Variants in IL4R observed in about 807,000 individuals in gnomAD.
The protein encoded by IL4R is interleukin 4 receptor.
In IL4R, 17 loss-of-function variants were observed where a neutral mutation model predicts 41.5. The observed-to-expected ratio is 0.41, with a 90% confidence interval of 0.28 to 0.61. The LOEUF is 0.61. IL4R is among the 20% of genes least tolerant of loss of function. IL4R has a pLI of 0.31. For synonymous variants in IL4R, 402 were observed against 422.9 expected, an observed-to-expected ratio of 0.95 and a Z score of 0.61; for missense variants, 974 against 1,043.1, an observed-to-expected ratio of 0.93 and a Z score of 0.91.
chr16:27,350,573 G>A (rs2085828449), intron 6 of IL4R, among the ~76,000 whole-genome samples: 1 of 152,150 alleles, frequency 6.6e-6, no homozygotes, highest in Non-Finnish European at 1.5e-5. Context: ...GGCTGAGGAA[G>A]AGGAGAGGGA....
intron 9 of IL4R, chr16:27,359,691 A>C (rs998060899): frequency 2.4e-6 from 1 of 415,488 alleles, no homozygotes; most frequent in Non-Finnish European, 5.1e-6. Flanking sequence ...TCTGAGCCTC[A>C]GTTTCCTCTT....
Position 27,360,900 on chromosome 16 carries a change from C to T in IL4R, c.899+85C>T. 35 of 1,611,304 alleles carry T rather than the reference C, an allele frequency of 2.2e-5. 1 individual carries two copies. The highest frequency in any genetic ancestry group is 3.0e-5 in the Non-Finnish European group (35 of 1,177,892). On this transcript the variant is annotated intron_variant, in intron 10 of 10. Coordinates refer to ENST00000395762, the MANE Select transcript of IL4R (RefSeq NM_000418.4). ...GGCAAGCCCCTAGCTCCATGTCTGC[C>T]TTCTCTTCCCTGCATTCGGTAATTG... is the stretch of plus-strand genomic sequence containing the variant.
chr16:27,332,185 C>G (rs2085128714), intron 2 of IL4R, among the ~76,000 whole-genome samples: 1 of 151,972 alleles, frequency 6.6e-6, no homozygotes, highest in Admixed American at 6.6e-5. Context: ...TCATGCTGCT[C>G]TAAGGACATG....
chr16:27,359,797 G>C (rs761019644), intron 9 of IL4R: 2 of 456,850 alleles, frequency 4.4e-6, no homozygotes, highest in African/African-American at 2.0e-5. Context: ...CAAATACCAA[G>C]TGCCATTTAT....
intron 3 of IL4R, 114 bp downstream of exon 3, chr16:27,340,387 T>C: frequency 1.3e-6 from 1 of 754,226 alleles, no homozygotes; most frequent in Non-Finnish European, 2.3e-6. Context: ...GGACAGCCAA[T>C]GACAAGTGGC....
At chr16:27,332,617 G>T (rs2085142889) in intron 2 of IL4R, among the ~76,000 whole-genome samples, 1 of 151,864 alleles carries the variant, frequency 6.6e-6, no homozygotes, top group South Asian at 2.1e-4. Context: ...TCTTTTCGAA[G>T]AACCAATTTT....
chr16:27,337,561 C>CT (rs111751071), intron 2 of IL4R, among the ~76,000 whole-genome samples: 2,481 of 151,030 alleles, frequency 0.016, 70 homozygotes, highest in African/African-American at 0.056. Flanking sequence ...GTGCTGTTTT[C>CT]TTTTTTTCTT....
chr16:27,345,407 G>A lies in IL4R; in HGVS notation c.361+387G>A, dbSNP rs1482268333. ...GCTTTGGATGGTCTTGACCGTGGAAGGCTGACCTTCTTCTGGTACCCGGAG... is the reference window on the plus strand; with the variant it reads ...GCTTTGGATGGTCTTGACCGTGGAAAGCTGACCTTCTTCTGGTACCCGGAG... On this transcript the variant is annotated intron_variant, in intron 5 of 10. Coordinates refer to ENST00000395762, the MANE Select transcript of IL4R (RefSeq NM_000418.4). This position sits in a 1 kb window ranked among gnomAD's most constrained non-coding sequence, Gnocchi z 4.5. 1 of 358,286 alleles carries A rather than the reference G, an allele frequency of 2.8e-6. No individual in the cohort carries two copies. The highest frequency in any genetic ancestry group is 5.5e-6 in the Non-Finnish European group (1 of 180,752). The allele number at this position is 358,286 out of a possible 1,614,324, so 22.2% of individuals were successfully genotyped here.
Position 27,356,929 on chromosome 16 carries a change from G to A in IL4R, c.770+1022G>A, listed in dbSNP as rs576682715. Among the ~76,000 whole-genome samples the A allele has an allele frequency of 4.6e-5, 7 of 152,274 alleles. No homozygotes were observed. The East Asian group carries it at 1.3e-3, about 29-fold the overall frequency. ...GGCGAGTGGCTGGGAGGTGGTGGAAGGAGCCTCGTTTCCAGAGAGCTCTTG... is the reference window on the plus strand; with the variant it reads ...GGCGAGTGGCTGGGAGGTGGTGGAAAGAGCCTCGTTTCCAGAGAGCTCTTG... On this transcript the variant is annotated intron_variant, in intron 8 of 10. Coordinates refer to ENST00000395762, the MANE Select transcript of IL4R (RefSeq NM_000418.4).
At chr16:27,320,841 G>A (rs1028695989) in intron 1 of IL4R, among the ~76,000 whole-genome samples, 6 of 152,164 alleles carry the variant, frequency 3.9e-5, no homozygotes, top group Non-Finnish European at 2.9e-5. Context: ...GCCTCCCGAC[G>A]GTCTTGCCTC....
chr16:27,347,854 A>G (rs1378212279), intron 6 of IL4R, among the ~76,000 whole-genome samples: 1 of 152,224 alleles, frequency 6.6e-6, no homozygotes, highest in African/African-American at 2.4e-5. Context: ...ACCCGCCCAC[A>G]GGGCTATGAC....
intron 7 of IL4R, among the ~76,000 whole-genome samples, chr16:27,354,522 T>G (rs2085990442): frequency 6.6e-6 from 1 of 152,210 alleles, no homozygotes; most frequent in Non-Finnish European, 1.5e-5. Flanking sequence ...TGGTTACTGT[T>G]ATTACTTGCT....
At chr16:27,322,465 C>T (rs1274033330) in intron 1 of IL4R, among the ~76,000 whole-genome samples, 1 of 152,160 alleles carries the variant, frequency 6.6e-6, no homozygotes, top group Non-Finnish European at 1.5e-5. Flanking sequence ...GCATGAGCCA[C>T]CGCAGCTGGC....
intron 1 of IL4R, among the ~76,000 whole-genome samples, chr16:27,320,432 A>T (rs983219267): frequency 6.6e-6 from 1 of 152,162 alleles, no homozygotes; most frequent in Non-Finnish European, 1.5e-5. Context: ...AGTCCACATC[A>T]CGCTCTGTGC....
At chr16:27,322,474 G>A (rs867619902) in intron 1 of IL4R, among the ~76,000 whole-genome samples, 5 of 152,118 alleles carry the variant, frequency 3.3e-5, no homozygotes, top group Non-Finnish European at 7.4e-5. Flanking sequence ...ACCGCAGCTG[G>A]CTGAATTGTT....
In IL4R at chr16:27,342,187, G is replaced by C; in HGVS notation, c.137G>C (p.Trp46Ser). Residue 46 changes from tryptophan (W) to serine (S), a missense_variant, in exon 4 of 11, where the codon TGG becomes TCG. Coordinates refer to ENST00000395762, the MANE Select transcript of IL4R (RefSeq NM_000418.4). Reference protein sequence around the residue: ...SDYMSISTCEWKMNGPTNCST... With the variant: ...SDYMSISTCESKMNGPTNCST... ...TACATGAGCATCTCTACTTGCGAGT[G>C]GAAGATGAATGGTCCCACCAATTGC... 6.2e-7 allele frequency: 1 copy of C among 1,614,230 alleles called. No homozygotes were observed.
chr16:27,328,487 C>T (rs1271925357), intron 1 of IL4R, among the ~76,000 whole-genome samples: 1 of 152,106 alleles, frequency 6.6e-6, no homozygotes, highest in Non-Finnish European at 1.5e-5. Flanking sequence ...GATCCACCTG[C>T]CTCGGCCTCC....
intron 7 of IL4R, among the ~76,000 whole-genome samples, chr16:27,352,976 C>G (rs1251864335): frequency 6.6e-6 from 1 of 152,214 alleles, no homozygotes; most frequent in Admixed American, 6.5e-5. Flanking sequence ...GGTGGTTTCC[C>G]TCCCTGTAGA....
At chr16:27,335,740 T>C (rs2141110232) in intron 2 of IL4R, among the ~76,000 whole-genome samples, 1 of 152,256 alleles carries the variant, frequency 6.6e-6, no homozygotes, top group South Asian at 2.1e-4. Context: ...GCTATTTCTC[T>C]AAGGCGCTCT....
Sources: gnomAD v4.1 joint callset for allele counts (sites outside exome capture counted in the v4.1 genomes callset) on GRCh38, gnomAD v4.1.1 for gene constraint, Gnocchi (gnomAD v3.1) non-coding constraint, MANE v1.5 for transcripts, NCBI Gene and HGNC (gene_info 2026-07-23, HGNC 2026-07-21) for gene names.